The following TLK1 variants were observed in gnomAD, a reference collection of about 807,000 sequenced individuals.
TLK1 encodes serine/threonine-protein kinase tousled-like 1.
In TLK1, 24 loss-of-function variants were observed where a neutral mutation model predicts 105.3. The observed-to-expected ratio is 0.23, with a 90% CI of 0.17 to 0.32. TLK1 has a LOEUF of 0.32. Ranked by LOEUF, TLK1 falls within the 10% of genes least tolerant of loss-of-function variation. The probability of loss-of-function intolerance (pLI) is 1.00; values close to 1 mark genes in which losing one functional copy is unlikely to be tolerated. For synonymous variants in TLK1, 321 were observed against 310.4 expected, an observed-to-expected ratio of 1.03 and a Z score of -0.36; for missense variants, 558 against 910.5, an observed-to-expected ratio of 0.61 and a Z score of 4.98.
At chr2:171,089,362 G>T (rs931814912) in intron 2 of TLK1, among the ~76,000 whole-genome samples, 1 of 152,158 alleles carries the variant, frequency 6.6e-6, no homozygotes, top group African/African-American at 2.4e-5. Context: ...CTAAGGTAAT[G>T]AAGACAGTCT....
At chr2:171,178,275 C>CGCAGATATT (rs1558981905) in intron 1 of TLK1, among the ~76,000 whole-genome samples, 1 of 151,984 alleles carries the variant, frequency 6.6e-6, no homozygotes, top group African/African-American at 2.4e-5. Flanking sequence ...ACGCAGATAT[C>CGCAGATATT]AAGGGAAGAA....
intron 11 of TLK1, among the ~76,000 whole-genome samples, chr2:171,038,754 C>T (rs149594087): frequency 2.8e-3 from 430 of 152,212 alleles, no homozygotes; most frequent in African/African-American, 8.9e-3. Context: ...TGCTTTATAA[C>T]CAATTTTTTT....
intron 1 of TLK1, among the ~76,000 whole-genome samples, chr2:171,147,110 A>T (rs1337408296): frequency 6.6e-6 from 1 of 152,196 alleles, no homozygotes; most frequent in Non-Finnish European, 1.5e-5. Context: ...GTATAAATTA[A>T]ATGTTAGAAA....
Position 171,014,367 on chromosome 2 carries a change from C to CT in TLK1, c.1334+483dup, listed in dbSNP as rs78223331. On this transcript the variant is annotated intron_variant, in intron 13 of 20. Coordinates refer to ENST00000431350, the MANE Select transcript of TLK1 (RefSeq NM_012290.5). ...AAAAGAGGAAATGAAGAAGCAGAGA[C>CT]TTTTTTTTTTTTTAAAGAAATGGGG... 1.8e-3 allele frequency among the ~76,000 whole-genome samples: 259 copies of CT among 143,272 alleles called. 1 individual carries two copies. Among genetic ancestry groups the CT allele is most frequent in the Admixed American group, 4.1e-3 (59 of 14,318 alleles). The allele number at this position is 143,272 out of a possible 152,430, so 94.0% of individuals were successfully genotyped here.
rs75166203 is a variant in TLK1, at chr2:171,039,987, T to C, written c.1169+6187A>G. On this transcript the variant is annotated intron_variant, in intron 11 of 20. Coordinates refer to ENST00000431350, the MANE Select transcript of TLK1 (RefSeq NM_012290.5). ...TAAATAAATATGTGGATAAAGTCCA[T>C]ATGAACACTCACTATGCAAGACAAT... Among the ~76,000 whole-genome samples, 1,268 of 152,250 alleles carry C rather than the reference T, an allele frequency of 8.3e-3. 21 individuals are homozygous for C. The highest frequency in any genetic ancestry group is 0.029 in the African/African-American group (1,212 of 41,538).
intron 11 of TLK1, among the ~76,000 whole-genome samples, chr2:171,034,998 C>T (rs1473713195): frequency 1.3e-5 from 2 of 152,070 alleles, no homozygotes; most frequent in Non-Finnish European, 2.9e-5. Context: ...CTTTCCCATG[C>T]TGTTCTCATG....
intron 3 of TLK1, among the ~76,000 whole-genome samples, chr2:171,065,586 G>A (rs1290873396): frequency 3.3e-5 from 5 of 151,270 alleles, no homozygotes; most frequent in African/African-American, 1.2e-4. Flanking sequence ...CGCCCAGGCT[G>A]GAGTGCAGCG....
chr2:170,999,380 T>C (rs1369094978), intron 18 of TLK1, among the ~76,000 whole-genome samples: 1 of 152,190 alleles, frequency 6.6e-6, no homozygotes, highest in Non-Finnish European at 1.5e-5. Context: ...AAAAGCTGGA[T>C]TTATTTTGTC....
At chr2:171,014,129 A>G (rs79920162) in intron 13 of TLK1, among the ~76,000 whole-genome samples, 1 of 152,280 alleles carries the variant, frequency 6.6e-6, no homozygotes, top group East Asian at 1.9e-4. Context: ...CTTCACTACT[A>G]TAACATTAAC....
chr2:171,128,197 A>G (rs1243115100), intron 1 of TLK1, among the ~76,000 whole-genome samples: 6 of 152,184 alleles, frequency 3.9e-5, no homozygotes. Flanking sequence ...TTACTAAAGC[A>G]TAGGGTTTCT....
chr2:171,023,849 T>C (rs1351857030), intron 12 of TLK1, among the ~76,000 whole-genome samples: 1 of 152,242 alleles, frequency 6.6e-6, no homozygotes. Flanking sequence ...AAGATCTGAC[T>C]ATATAATCAA....
intron 11 of TLK1, among the ~76,000 whole-genome samples, chr2:171,029,007 C>T (rs1328115054): frequency 6.6e-6 from 1 of 152,002 alleles, no homozygotes; most frequent in Non-Finnish European, 1.5e-5. Context: ...ATATTCTAGA[C>T]ATGAGTTATA....
At chr2:171,062,153 C>T (rs1687781329) in intron 3 of TLK1, among the ~76,000 whole-genome samples, 1 of 152,132 alleles carries the variant, frequency 6.6e-6, no homozygotes, top group Admixed American at 6.5e-5. Context: ...AAAATTAAAA[C>T]CAAGAGCAAA....
At chr2:171,072,899 A>T (rs993117182) in intron 3 of TLK1, among the ~76,000 whole-genome samples, 1 of 149,168 alleles carries the variant, frequency 6.7e-6, no homozygotes, top group Non-Finnish European at 1.5e-5. Flanking sequence ...AGTGCACTCC[A>T]GCCTGGGCAA....
At chr2:171,122,388 G>A (rs1007622725) in intron 1 of TLK1, among the ~76,000 whole-genome samples, 2 of 152,198 alleles carry the variant, frequency 1.3e-5, no homozygotes, top group African/African-American at 4.8e-5. Context: ...TACAGTGCAT[G>A]AGCCCAGCAG....
intron 1 of TLK1, among the ~76,000 whole-genome samples, chr2:171,198,389 A>G (rs1295847402): frequency 6.6e-6 from 1 of 152,244 alleles, no homozygotes; most frequent in Non-Finnish European, 1.5e-5. Flanking sequence ...CAACATGGCC[A>G]CTATATCTCA....
intron 2 of TLK1, chr2:171,091,703 C>CGG (rs572216001): frequency 6.8e-6 from 1 of 147,140 alleles, no homozygotes; most frequent in Non-Finnish European, 1.5e-5. Flanking sequence ...CATGGGATGG[C>CGG]GGGGGGGTGT....
intron 1 of TLK1, among the ~76,000 whole-genome samples, chr2:171,210,201 GGTGT>G (rs1693587110): frequency 6.6e-6 from 1 of 152,066 alleles, no homozygotes; most frequent in Non-Finnish European, 1.5e-5. Context: ...TGGCAACCAA[GGTGT>G]GTATTATAGC....
chr2:171,193,699 CATTTTTTTT>C (rs1251925622), intron 1 of TLK1, among the ~76,000 whole-genome samples: 31 of 103,206 alleles, frequency 3.0e-4, no homozygotes, highest in Admixed American at 7.5e-4. Flanking sequence ...CAGCGCCTGG[CATTTTTTTT>C]TTTTTTTTTT....
Sources: allele counts gnomAD v4.1 joint callset (sites outside exome capture counted in the v4.1 genomes callset), GRCh38; gene constraint gnomAD v4.1.1; transcripts MANE v1.5; gene names NCBI Gene and HGNC (gene_info 2026-07-23, HGNC 2026-07-21).